Variants in CCSER1 observed in about 807,000 individuals in gnomAD.
CCSER1 encodes serine-rich coiled-coil domain-containing protein 1.
A neutral mutation model predicts 82.0 loss-of-function variants in CCSER1; 41 were observed. That is an observed-to-expected ratio of 0.50 (90% CI 0.39 to 0.65). The LOEUF (loss-of-function observed/expected upper bound fraction) is 0.65. CCSER1 is among the 30% of genes least tolerant of loss of function. CCSER1 has a pLI of 0.00. For missense variants in CCSER1, 1,119 were observed against 1,064.2 expected (o/e 1.05, Z -0.72); for synonymous variants, 414 against 383.9 (o/e 1.08, Z -0.92).
chr4:90,147,117 A>G lies in CCSER1; in HGVS notation c.-42+19286A>G, dbSNP rs144489569. Among the ~76,000 whole-genome samples, 3 of 146,284 alleles carry G rather than the reference A, an allele frequency of 2.1e-5. No individual in the cohort carries two copies. In the East Asian group the frequency reaches 5.8e-4, roughly 28 times the overall value. ...TTTATTTTTAATACTTTGTTTAATA[A>G]CTTAACAGTCATTTAATGCTTTCCA... On this transcript the variant is annotated intron_variant, in intron 1 of 10. Coordinates refer to ENST00000509176, the MANE Select transcript of CCSER1 (RefSeq NM_001145065.2).
At chr4:91,389,620 CT>C (rs1751527179) in intron 10 of CCSER1, among the ~76,000 whole-genome samples, 2 of 151,804 alleles carry the variant, frequency 1.3e-5, no homozygotes, top group African/African-American at 4.8e-5. Context: ...GACAAAACAA[CT>C]TGCTGAGATT....
intron 9 of CCSER1, among the ~76,000 whole-genome samples, chr4:90,988,334 C>CAAAAA (rs60408059): frequency 1.6e-3 from 121 of 75,378 alleles, no homozygotes; most frequent in African/African-American, 6.4e-3. Flanking sequence ...TATCTTGTCT[C>CAAAAA]AAAAAAAAAA....
intron 9 of CCSER1, among the ~76,000 whole-genome samples, chr4:91,056,235 T>C (rs1268355996): frequency 6.6e-6 from 1 of 152,106 alleles, no homozygotes; most frequent in African/African-American, 2.4e-5. Flanking sequence ...GCCATATTTT[T>C]ACCATTTGTT....
intron 7 of CCSER1, among the ~76,000 whole-genome samples, chr4:90,803,530 A>AG (rs1298625990): frequency 6.6e-6 from 1 of 152,180 alleles, no homozygotes; most frequent in Non-Finnish European, 1.5e-5. Flanking sequence ...GTCCCTGCAA[A>AG]GGACATGAAC....
chr4:91,173,566 C>A (rs1250801058), intron 10 of CCSER1, among the ~76,000 whole-genome samples: 1 of 148,116 alleles, frequency 6.8e-6, no homozygotes, highest in African/African-American at 2.5e-5. Context: ...TGCACTCCAG[C>A]CTGGGCGACA....
chr4:90,450,816 T>C (rs79560593), intron 4 of CCSER1, among the ~76,000 whole-genome samples: 2,798 of 152,314 alleles, frequency 0.018, 79 homozygotes, highest in African/African-American at 0.063. Context: ...ATTCATGCGA[T>C]TGGGCCTCTG....
intron 10 of CCSER1, among the ~76,000 whole-genome samples, chr4:91,307,995 C>T (rs1745193695): frequency 6.6e-6 from 1 of 151,998 alleles, no homozygotes; most frequent in Admixed American, 6.6e-5. Flanking sequence ...ATATTTTATG[C>T]ATCTGGGTGT....
chr4:90,417,386 A>C (rs1755968042), intron 4 of CCSER1, among the ~76,000 whole-genome samples: 1 of 152,146 alleles, frequency 6.6e-6, no homozygotes, highest in Non-Finnish European at 1.5e-5. Context: ...AATATTAACC[A>C]TTAATCATTA....
intron 1 of CCSER1, among the ~76,000 whole-genome samples, chr4:90,265,642 G>A (rs1430551267): frequency 4.6e-5 from 7 of 152,014 alleles, no homozygotes; most frequent in South Asian, 4.1e-4. Flanking sequence ...AAAATAAAAC[G>A]TATTGTTCTG....
At chr4:91,265,078 A>G (rs1741471819) in intron 10 of CCSER1, among the ~76,000 whole-genome samples, 1 of 152,012 alleles carries the variant, frequency 6.6e-6, no homozygotes, top group African/African-American at 2.4e-5. Flanking sequence ...GAAGTAACTC[A>G]ATTACATTTC....
intron 5 of CCSER1, among the ~76,000 whole-genome samples, chr4:90,586,265 T>G (rs1331772111): frequency 6.6e-6 from 1 of 152,116 alleles, no homozygotes; most frequent in Non-Finnish European, 1.5e-5. Flanking sequence ...CACCCCAGTT[T>G]TTTTCCAATT....
intron 8 of CCSER1, among the ~76,000 whole-genome samples, chr4:90,902,030 G>A (rs1192193302): frequency 6.6e-6 from 1 of 151,528 alleles, no homozygotes; most frequent in Non-Finnish European, 1.5e-5. Flanking sequence ...TCAAAAACTG[G>A]CTTCCAATAT....
intron 10 of CCSER1, among the ~76,000 whole-genome samples, chr4:91,088,552 A>G (rs1723615017): frequency 6.6e-6 from 1 of 152,188 alleles, no homozygotes; most frequent in Non-Finnish European, 1.5e-5. Flanking sequence ...GAGATAGGTA[A>G]CACCTAAATT....
At chr4:90,685,180 A>G (rs1406491675) in intron 6 of CCSER1, among the ~76,000 whole-genome samples, 3 of 152,120 alleles carry the variant, frequency 2.0e-5, no homozygotes, top group Non-Finnish European at 4.4e-5. Flanking sequence ...CATATCATCT[A>G]GAACTCAGGC....
chr4:91,064,879 C>T (rs966793037), intron 9 of CCSER1, among the ~76,000 whole-genome samples: 1 of 152,116 alleles, frequency 6.6e-6, no homozygotes. Flanking sequence ...GATATACAAT[C>T]ACAATAAGAG....
intron 10 of CCSER1, among the ~76,000 whole-genome samples, chr4:91,488,932 G>C (rs1758365172): frequency 6.6e-6 from 1 of 152,162 alleles, no homozygotes; most frequent in East Asian, 1.9e-4. Context: ...CAATTTGTTA[G>C]GAAGTCATAA....
chr4:91,550,143 C>T (rs2110220903), intron 10 of CCSER1, among the ~76,000 whole-genome samples: 1 of 152,266 alleles, frequency 6.6e-6, no homozygotes, highest in East Asian at 1.9e-4. Flanking sequence ...ATAGTTTCTC[C>T]CAAGGGAAGG....
chr4:91,004,437 A>G (rs901443036), intron 9 of CCSER1, among the ~76,000 whole-genome samples: 1 of 152,224 alleles, frequency 6.6e-6, no homozygotes, highest in East Asian at 1.9e-4. Context: ...TTTTAGTAAA[A>G]TGGTAAAAGT....
chr4:90,526,202 C>G (rs187202132), intron 5 of CCSER1, among the ~76,000 whole-genome samples: 1 of 152,116 alleles, frequency 6.6e-6, no homozygotes, highest in Non-Finnish European at 1.5e-5. Flanking sequence ...CTACTTGTAA[C>G]TTACACTCTG....
Sources: allele counts gnomAD v4.1 joint callset (sites outside exome capture counted in the v4.1 genomes callset), GRCh38; gene constraint gnomAD v4.1.1; transcripts MANE v1.5; gene names NCBI Gene and HGNC (gene_info 2026-07-23, HGNC 2026-07-21).